The following SVIL variants were observed in gnomAD, a reference collection of about 807,000 sequenced individuals.
SVIL encodes archvillin.
A neutral mutation model predicts 240.4 loss-of-function variants in SVIL; 101 were observed. The observed-to-expected ratio is 0.42, with a 90% CI of 0.36 to 0.50. SVIL has a LOEUF of 0.50. Ranked by LOEUF, SVIL falls within the 20% of genes least tolerant of loss-of-function variation. The pLI is 0.01. For missense variants in SVIL, 2,512 were observed against 2,818.7 expected, an observed-to-expected ratio of 0.89 and a Z score of 2.46; for synonymous variants, 999 against 1,100.0, an observed-to-expected ratio of 0.91 and a Z score of 1.82.
intron 16 of SVIL, among the ~76,000 whole-genome samples, chr10:29,515,205 A>G (rs1033165821): frequency 3.3e-5 from 5 of 152,198 alleles, no homozygotes; most frequent in African/African-American, 9.6e-5. Flanking sequence ...TCAAGGTCTC[A>G]TTTAGTCCTA....
intron 2 of SVIL, among the ~76,000 whole-genome samples, chr10:29,675,934 C>A (rs1017908047): frequency 6.6e-6 from 1 of 152,160 alleles, no homozygotes; most frequent in African/African-American, 2.4e-5. Context: ...GCTCCTTTCT[C>A]AGGAAACCAA....
At chr10:29,729,431 G>T (rs993338968) in intron 1 of SVIL, among the ~76,000 whole-genome samples, 1 of 149,266 alleles carries the variant, frequency 6.7e-6, no homozygotes, top group Non-Finnish European at 1.5e-5. Context: ...TAGCCATGCT[G>T]GGCCTCTGTG....
chr10:29,469,175 C>T (rs1238210466), intron 32 of SVIL: 1 of 152,140 alleles, frequency 6.6e-6, no homozygotes, highest in Non-Finnish European at 1.5e-5. Flanking sequence ...CCAAGTAAAC[C>T]CTCTGATGGG....
chr10:29,646,482 T>C (rs1347352974), intron 3 of SVIL, among the ~76,000 whole-genome samples: 1 of 152,168 alleles, frequency 6.6e-6, no homozygotes, highest in Non-Finnish European at 1.5e-5. Context: ...CTAATTGATG[T>C]GGTAAGCCCT....
intron 17 of SVIL, among the ~76,000 whole-genome samples, chr10:29,501,419 T>G (rs1948884051): frequency 1.5e-5 from 2 of 137,906 alleles, no homozygotes; most frequent in African/African-American, 2.7e-5. Flanking sequence ...GTGGGAAAAA[T>G]GAGATGGGGG....
At chr10:29,673,181 G>A (rs1417167370) in intron 2 of SVIL, among the ~76,000 whole-genome samples, 2 of 152,000 alleles carry the variant, frequency 1.3e-5, no homozygotes, top group Non-Finnish European at 2.9e-5. Flanking sequence ...CTCAAAGTGC[G>A]GGGATTACAG....
At chr10:29,462,222 C>A in intron 36 of SVIL, 55 bp downstream of exon 36, 1 of 1,573,062 alleles carries the variant, frequency 6.4e-7, no homozygotes, top group Middle Eastern at 1.7e-4. Flanking sequence ...GTAAAGTTAA[C>A]CCACAATCCA....
At chr10:29,669,331 C>T (rs955912995) in intron 2 of SVIL, among the ~76,000 whole-genome samples, 3 of 152,092 alleles carry the variant, frequency 2.0e-5, no homozygotes, top group Non-Finnish European at 4.4e-5. Context: ...TGCAAAGTGG[C>T]CAGTTTGGCT....
At chr10:29,509,589 C>T (rs1949673836) in intron 17 of SVIL, among the ~76,000 whole-genome samples, 1 of 152,088 alleles carries the variant, frequency 6.6e-6, no homozygotes, top group South Asian at 2.1e-4. Flanking sequence ...TGGCTCATGC[C>T]TGTAATTCCA....
chr10:29,693,451 C>T (rs1049205287), intron 1 of SVIL, among the ~76,000 whole-genome samples: 6 of 152,190 alleles, frequency 3.9e-5, no homozygotes, highest in African/African-American at 1.4e-4. Flanking sequence ...TCACCAAATA[C>T]ATTCTCATTG....
At chr10:29,485,636 T>G (rs1456140211) in intron 26 of SVIL, among the ~76,000 whole-genome samples, 1 of 152,194 alleles carries the variant, frequency 6.6e-6, no homozygotes, top group Admixed American at 6.5e-5. Context: ...TCTCAACACT[T>G]AGCATGCTTA....
chr10:29,466,547 TA>T (rs1181109960), intron 33 of SVIL, among the ~76,000 whole-genome samples: 15 of 152,136 alleles, frequency 9.9e-5, no homozygotes. Context: ...AGGATTATTT[TA>T]AAAAGTATTC....
At chr10:29,458,385 G>C (rs1370014234) in intron 37 of SVIL, 49 bp downstream of exon 37, 1 of 1,569,556 alleles carries the variant, frequency 6.4e-7, no homozygotes, top group Admixed American at 1.8e-5. Context: ...AGCCGGGCGT[G>C]CGTGTGTTGT....
At position 29,544,950 on chromosome 10, in the gene SVIL, C is replaced by T. The variant is rs550279511; in HGVS notation, c.827+5647G>A. 6.4e-5 allele frequency: 34 copies of T among 531,062 alleles called. No homozygotes were observed. The East Asian group carries it at 1.9e-3, about 29-fold the overall frequency. 32.9% of individuals were successfully genotyped at this position (531,062 alleles called of 1,614,324 possible). A position where few individuals can be genotyped will look rare whatever the true frequency, so the allele number is the denominator to read the frequency against. On this transcript the variant is annotated intron_variant, in intron 6 of 37. Transcript: ENST00000355867. ...AATTCCATTCCAGTAATAGAATAAG[C>T]TGTGAGGAGGACCCAGATGTCTGTT...
At chr10:29,660,956 C>T (rs1350158086) in intron 2 of SVIL, among the ~76,000 whole-genome samples, 2 of 151,982 alleles carry the variant, frequency 1.3e-5, no homozygotes, top group Non-Finnish European at 2.9e-5. Context: ...ATCATGAGGT[C>T]AAGAGATCAA....
intron 1 of SVIL, among the ~76,000 whole-genome samples, chr10:29,578,074 T>C (rs1210598745): frequency 6.6e-6 from 1 of 152,198 alleles, no homozygotes; most frequent in Non-Finnish European, 1.5e-5. Context: ...GAAGACTGGG[T>C]AAATCAATTA....
chr10:29,582,717 G>A (rs3004231), intron 1 of SVIL, among the ~76,000 whole-genome samples: 16,897 of 146,330 alleles, frequency 0.12, 1,264 homozygotes, highest in Middle Eastern at 0.17. Flanking sequence ...GGGTGACAGA[G>A]TGAGACCCTG....
intron 1 of SVIL, among the ~76,000 whole-genome samples, chr10:29,717,591 T>C (rs1223220369): frequency 6.6e-6 from 1 of 152,238 alleles, no homozygotes; most frequent in Non-Finnish European, 1.5e-5. Context: ...AATATTCCTT[T>C]GAATTTAATG....
At chr10:29,656,475 A>G (rs1282662888) in intron 3 of SVIL, among the ~76,000 whole-genome samples, 1 of 152,048 alleles carries the variant, frequency 6.6e-6, no homozygotes, top group Non-Finnish European at 1.5e-5. Flanking sequence ...TTTAAAAAAA[A>G]GAATAAATAA....
Sources: gnomAD v4.1 joint callset for allele counts (sites outside exome capture counted in the v4.1 genomes callset) on GRCh38, gnomAD v4.1.1 for gene constraint, MANE v1.5 for transcripts, NCBI Gene and HGNC (gene_info 2026-07-23, HGNC 2026-07-21) for gene names.